NFASC: variants seen among roughly 807,000 people sequenced by gnomAD.
NFASC encodes neurofascin.
NFASC carries 43 observed loss-of-function variants against 147.5 expected under a neutral mutation model. The observed-to-expected ratio is 0.29, with a 90% confidence interval of 0.23 to 0.38. The LOEUF is 0.38. NFASC is among the 10% of genes least tolerant of loss of function. NFASC has a pLI of 1.00. For missense variants in NFASC, 1,320 were observed against 1,689.0 expected (o/e 0.78, Z 3.83); for synonymous variants, 622 against 665.5 (o/e 0.93, Z 1.01).
intron 2 of NFASC, among the ~76,000 whole-genome samples, chr1:204,923,077 C>T (rs1244984631): frequency 1.3e-5 from 2 of 152,176 alleles, no homozygotes; most frequent in African/African-American, 4.8e-5. Context: ...GGATTCAAAT[C>T]CTGTGGTCCA....
At chr1:204,914,765 A>G (rs1352074435) in intron 1 of NFASC, among the ~76,000 whole-genome samples, 4 of 152,228 alleles carry the variant, frequency 2.6e-5, no homozygotes, top group East Asian at 1.9e-4. Flanking sequence ...CACTACATTC[A>G]TGGAGAGCAA....
chr1:204,936,347 G>A (rs1056883857), intron 2 of NFASC, among the ~76,000 whole-genome samples: 3 of 151,704 alleles, frequency 2.0e-5, no homozygotes, highest in African/African-American at 2.4e-5. Flanking sequence ...GATTACAGGC[G>A]TGCACCCCCA....
At chr1:204,831,622 T>C (rs1271050791) in intron 1 of NFASC, among the ~76,000 whole-genome samples, 2 of 151,928 alleles carry the variant, frequency 1.3e-5, no homozygotes, top group Non-Finnish European at 2.9e-5. Context: ...GTGAGAATCA[T>C]CCCTTTGTCT....
chr1:204,954,767 T>C lies in NFASC; in HGVS notation c.413-62T>C. 6.3e-7 allele frequency: 1 copy of C among 1,592,838 alleles called. No homozygotes were observed. The highest frequency in any genetic ancestry group is 8.6e-7 in the Non-Finnish European group (1 of 1,164,128). ...CTCCTTGCATGCCTGCCTCTGACCC[T>C]GCTCCTTGCCCCGGGCCCAGCCATC... On this transcript the variant is annotated intron_variant, in intron 6 of 29. Transcript: ENST00000339876. This position sits in a 1 kb window ranked among gnomAD's most constrained non-coding sequence, Gnocchi z 5.7.
At chr1:204,957,969 C>T in intron 8 of NFASC, 143 bp downstream of exon 8, 1 of 704,976 alleles carries the variant, frequency 1.4e-6, no homozygotes, top group Non-Finnish European at 2.4e-6. Flanking sequence ...GTGCCTGAGC[C>T]ACTTCAGCTG....
intron 4 of NFASC, among the ~76,000 whole-genome samples, chr1:204,951,486 T>G (rs2490416): frequency 0.53 from 72,227 of 136,518 alleles, 18,357 homozygotes; most frequent in Middle Eastern, 0.62. Context: ...TTTTTTTTTT[T>G]AAAACAGAAT....
chr1:204,887,702 T>C (rs190872027), intron 1 of NFASC, among the ~76,000 whole-genome samples: 200 of 144,700 alleles, frequency 1.4e-3, no homozygotes, highest in African/African-American at 4.6e-3. Context: ...GCTCAAACAG[T>C]CCTCCCACCT....
intron 1 of NFASC, among the ~76,000 whole-genome samples, chr1:204,917,599 G>T (rs922312889): frequency 6.6e-6 from 1 of 152,150 alleles, no homozygotes; most frequent in African/African-American, 2.4e-5. Flanking sequence ...GGAATTCATA[G>T]ATTTAAACAC....
At chr1:204,978,882 C>T (rs1017927634) in intron 17 of NFASC, 86 bp from the exon 18 acceptor site, 13 of 1,067,140 alleles carry the variant, frequency 1.2e-5, no homozygotes, top group Middle Eastern at 2.9e-4. Context: ...GAAGACAGCC[C>T]GTCAGGGAGC....
chr1:204,848,300 A>G (rs1415481291), intron 1 of NFASC, among the ~76,000 whole-genome samples: 2 of 152,136 alleles, frequency 1.3e-5, no homozygotes. Flanking sequence ...GCGCAATTAC[A>G]GCTCACTGAG....
intron 1 of NFASC, among the ~76,000 whole-genome samples, chr1:204,899,961 A>T (rs1385482603): frequency 6.6e-6 from 1 of 152,232 alleles, no homozygotes; most frequent in Non-Finnish European, 1.5e-5. Flanking sequence ...AGCGGGTGTC[A>T]TGATAATATG....
intron 1 of NFASC, among the ~76,000 whole-genome samples, chr1:204,848,506 A>G (rs2102629978): frequency 6.6e-6 from 1 of 152,352 alleles, no homozygotes; most frequent in East Asian, 1.9e-4. Flanking sequence ...GATTACAGGC[A>G]TAAGCCACCA....
intron 1 of NFASC, among the ~76,000 whole-genome samples, chr1:204,845,531 G>A (rs917109916): frequency 9.2e-5 from 14 of 152,140 alleles, no homozygotes; most frequent in African/African-American, 3.1e-4. Flanking sequence ...CTCCTGGAGT[G>A]TAGGAAAGGG....
At chr1:205,012,396 A>G (rs1319908683) in intron 28 of NFASC, among the ~76,000 whole-genome samples, 1 of 152,262 alleles carries the variant, frequency 6.6e-6, no homozygotes, top group Non-Finnish European at 1.5e-5. Flanking sequence ...CTTCTGTGAT[A>G]GGCATGAAAA....
In NFASC at chr1:204,986,211, C is replaced by T. The variant is rs1033562580; in HGVS notation, c.2471-1207C>T. 15 of 878,726 alleles carry T rather than the reference C, an allele frequency of 1.7e-5. No homozygotes were observed. The highest frequency in any genetic ancestry group is 9.9e-5 in the African/African-American group (6 of 60,564). 54.4% of individuals were successfully genotyped at this position (878,726 alleles called of 1,614,324 possible). A position where few individuals can be genotyped will look rare whatever the true frequency, so the allele number is the denominator to read the frequency against. On this transcript the variant is annotated intron_variant, in intron 21 of 29. Transcript: ENST00000339876. This position sits in a 1 kb window ranked among gnomAD's most constrained non-coding sequence, Gnocchi z 4.2. ...CCAGCGTGGCTCAGCATGGATGGCA[C>T]AAGGTGACTTCTGCGAGGCCTCCAG...
chr1:204,976,560 G>A (rs2095409143), intron 15 of NFASC, 111 bp from the exon 16 acceptor site: 1 of 743,024 alleles, frequency 1.3e-6, no homozygotes. Flanking sequence ...ACCCCCAGAA[G>A]GAGCTTCCCT....
At chr1:204,932,662 A>G (rs1225623878) in intron 2 of NFASC, among the ~76,000 whole-genome samples, 1 of 152,212 alleles carries the variant, frequency 6.6e-6, no homozygotes, top group Non-Finnish European at 1.5e-5. Context: ...CTGTTCACTC[A>G]CTGTCTGTGG....
At chr1:204,937,365 G>A (rs1473939510) in intron 2 of NFASC, among the ~76,000 whole-genome samples, 5 of 152,130 alleles carry the variant, frequency 3.3e-5, no homozygotes, top group Non-Finnish European at 5.9e-5. Flanking sequence ...TATGGGTTTG[G>A]ACAAATGTAT....
Position 205,015,268 on chromosome 1 carries a change from G to A in NFASC, c.3492-1040G>A, listed in dbSNP as rs931083803. Among the ~76,000 whole-genome samples the A allele has an allele frequency of 1.4e-4, 22 of 152,226 alleles. No individual in the cohort carries two copies. The highest frequency in any genetic ancestry group is 3.4e-4 in the African/African-American group (14 of 41,554). On this transcript the variant is annotated intron_variant, in intron 29 of 29. Coordinates refer to ENST00000339876, the MANE Select transcript of NFASC (RefSeq NM_001005388.3). This position sits in a 1 kb window ranked among gnomAD's most constrained non-coding sequence, Gnocchi z 4.0. ...GTGTCTGCTCAGACCGCCTGGCACCGCTATGGTCCCACCACTGAGACCCAG... is the reference window on the plus strand; with the variant it reads ...GTGTCTGCTCAGACCGCCTGGCACCACTATGGTCCCACCACTGAGACCCAG...
Sources: allele counts gnomAD v4.1 joint callset (sites outside exome capture counted in the v4.1 genomes callset), GRCh38; gene constraint gnomAD v4.1.1; non-coding constraint Gnocchi (gnomAD v3.1); transcripts MANE v1.5; gene names NCBI Gene and HGNC (gene_info 2026-07-23, HGNC 2026-07-21).